DPP6: variants seen among roughly 807,000 people sequenced by gnomAD.
DPP6 encodes the protein dipeptidyl peptidase like 6, also known as A-type potassium channel modulatory protein DPP6.
In DPP6, 69 loss-of-function variants were observed where a neutral mutation model predicts 122.6. The ratio of observed to expected loss-of-function variants is 0.56; its 90% CI spans 0.46 to 0.69. The LOEUF is 0.69. Ranked by LOEUF, DPP6 falls within the 30% of genes least tolerant of loss-of-function variation. DPP6 has a pLI of 0.00. For missense variants in DPP6, 928 were observed against 1,116.9 expected, an observed-to-expected ratio of 0.83 and a Z score of 2.41; for synonymous variants, 418 against 433.1, an observed-to-expected ratio of 0.97 and a Z score of 0.43.
At chr7:153,882,632 A>G (rs1798785180), upstream of DPP6, among the ~76,000 whole-genome samples, 1 of 152,242 alleles carries the variant, frequency 6.6e-6, no homozygotes, top group Non-Finnish European at 1.5e-5. Flanking sequence ...ATGGAGCAAA[A>G]GGATCGACAC....
At chr7:154,512,260 G>C (rs1826146680) in intron 3 of DPP6, among the ~76,000 whole-genome samples, 1 of 152,148 alleles carries the variant, frequency 6.6e-6, no homozygotes, top group Admixed American at 6.5e-5. Flanking sequence ...ATGGCTTTCA[G>C]ATAATCCTGT....
At chr7:154,144,219 GATTTCTC>G (rs1795982275) in intron 1 of DPP6, among the ~76,000 whole-genome samples, 1 of 151,932 alleles carries the variant, frequency 6.6e-6, no homozygotes, top group Admixed American at 6.6e-5. Flanking sequence ...TATTTGGTAT[GATTTCTC>G]CTAATGCTTT....
At chr7:153,839,871 T>C in the DPP6 span, among the ~76,000 whole-genome samples, 1 of 152,182 alleles carries the variant, frequency 6.6e-6, no homozygotes, top group African/African-American at 2.4e-5. Flanking sequence ...CCAAGTGAGG[T>C]TGTTGCTACT....
At chr7:154,330,298 T>G (rs1285679224) in intron 1 of DPP6, among the ~76,000 whole-genome samples, 2 of 152,212 alleles carry the variant, frequency 1.3e-5, no homozygotes, top group East Asian at 3.8e-4. Flanking sequence ...GAGGCTTTCA[T>G]GTCAGTTTCA....
At chr7:154,845,960 C>G (rs968475307) in intron 16 of DPP6, among the ~76,000 whole-genome samples, 2 of 151,984 alleles carry the variant, frequency 1.3e-5, no homozygotes, top group Non-Finnish European at 2.9e-5. Flanking sequence ...CTGTTGGGAC[C>G]AATGGGATGC....
intron 1 of DPP6, among the ~76,000 whole-genome samples, chr7:153,921,908 C>G (rs1800656238): frequency 6.6e-6 from 1 of 152,236 alleles, no homozygotes; most frequent in Non-Finnish European, 1.5e-5. Flanking sequence ...TCTGGCCAAG[C>G]TGACACACCC....
chr7:154,130,581 G>A (rs546672457), intron 1 of DPP6, among the ~76,000 whole-genome samples: 1 of 152,306 alleles, frequency 6.6e-6, no homozygotes, highest in Non-Finnish European at 1.5e-5. Flanking sequence ...AAACACTCAT[G>A]TTTCTCATGG....
At chr7:154,752,603 C>G (rs1279220260) in intron 8 of DPP6, among the ~76,000 whole-genome samples, 1 of 152,126 alleles carries the variant, frequency 6.6e-6, no homozygotes, top group Non-Finnish European at 1.5e-5. Flanking sequence ...ACTAAGGAGG[C>G]CTCACCCTTC....
chr7:154,540,609 A>ATTCT lies in DPP6; in HGVS notation c.536_537insTCTT (p.Glu180LeufsTer7), dbSNP rs1228346116. 6.3e-7 allele frequency: 1 copy of ATTCT among 1,585,070 alleles called. No individual in the cohort carries two copies. Among genetic ancestry groups the ATTCT allele is most frequent in the Non-Finnish European group, 8.6e-7 (1 of 1,167,730 alleles). On this transcript the variant is annotated frameshift_variant, in exon 4 of 26. Transcript: ENST00000377770. LOFTEE classifies it high-confidence loss of function. ...TGAAACAAATACTTCTACTGTCTTAATAGAAGGCAAAAAAATTGTAAGTAC... is the reference window on the plus strand; with the variant it reads ...TGAAACAAATACTTCTACTGTCTTAATTCTTAGAAGGCAAAAAAATTGTAAGTAC...
Position 154,760,352 on chromosome 7 carries a change from G to C in DPP6, c.884-9065G>C, listed in dbSNP as rs1364687312. 1.3e-5 allele frequency among the ~76,000 whole-genome samples: 2 copies of C among 152,062 alleles called. No individual in the cohort carries two copies. Among genetic ancestry groups the C allele is most frequent in the African/African-American group, 2.4e-5 (1 of 41,400 alleles). Reference sequence around the variant, plus strand: ...GCTGTGTGTGCAAATTCAGGGGGGTGGGGTGGAGGAAATTCAGTCCATGAC... The same window carrying C: ...GCTGTGTGTGCAAATTCAGGGGGGTCGGGTGGAGGAAATTCAGTCCATGAC... On this transcript the variant is annotated intron_variant, in intron 8 of 25. Coordinates refer to ENST00000377770, the MANE Select transcript of DPP6 (RefSeq NM_130797.4). The surrounding 1 kb of genome is among the most constrained non-coding windows in gnomAD (Gnocchi z 4.5).
At chr7:154,414,116 G>A (rs540280419) in intron 1 of DPP6, among the ~76,000 whole-genome samples, 8 of 152,272 alleles carry the variant, frequency 5.3e-5, no homozygotes, top group African/African-American at 1.7e-4. Context: ...ACTTGCCAAA[G>A]GGCCATTCTA....
At chr7:154,589,658 A>G (rs1283611185) in intron 5 of DPP6, among the ~76,000 whole-genome samples, 2 of 152,236 alleles carry the variant, frequency 1.3e-5, no homozygotes, top group Non-Finnish European at 2.9e-5. Context: ...TAATCAACTT[A>G]AAATTACATA....
the DPP6 span, among the ~76,000 whole-genome samples, chr7:153,776,540 C>T: frequency 1.3e-5 from 2 of 152,128 alleles, no homozygotes; most frequent in African/African-American, 4.8e-5. Context: ...TTATAAATTA[C>T]CCAGTCCTGG....
At chr7:154,431,481 CTTTTCT>C (rs1277795374) in intron 1 of DPP6, among the ~76,000 whole-genome samples, 3 of 18,216 alleles carry the variant, frequency 1.6e-4, no homozygotes, top group South Asian at 1.2e-3. Flanking sequence ...CTTTTCTTTT[CTTTTCT>C]TTTCTTTTCT....
At chr7:154,386,683 A>G (rs921781993) in intron 1 of DPP6, among the ~76,000 whole-genome samples, 3 of 152,136 alleles carry the variant, frequency 2.0e-5, no homozygotes, top group Non-Finnish European at 4.4e-5. Context: ...ACCCTGTTTC[A>G]TATGTAAAAG....
chr7:154,538,733 T>C (rs978979938), intron 3 of DPP6, among the ~76,000 whole-genome samples: 2 of 152,246 alleles, frequency 1.3e-5, no homozygotes, highest in Non-Finnish European at 2.9e-5. Flanking sequence ...AAATTTGCTA[T>C]ATAAGGGCAA....
the DPP6 span, among the ~76,000 whole-genome samples, chr7:153,833,487 A>G: frequency 5.9e-5 from 9 of 152,318 alleles, no homozygotes; most frequent in South Asian, 1.9e-3. Flanking sequence ...CAGCCTGGCC[A>G]ACATGGCAAA....
intron 10 of DPP6, among the ~76,000 whole-genome samples, chr7:154,784,133 T>C (rs777878862): frequency 3.3e-5 from 5 of 152,140 alleles, no homozygotes; most frequent in Non-Finnish European, 7.4e-5. Context: ...GTGAGCCTCA[T>C]GCCCAACATG....
chr7:154,570,669 AG>A (rs1831051620), intron 5 of DPP6, among the ~76,000 whole-genome samples: 3 of 152,238 alleles, frequency 2.0e-5, no homozygotes, highest in African/African-American at 7.2e-5. Context: ...CATGCTAATT[AG>A]CATGCTTTTT....
Sources: allele counts gnomAD v4.1 joint callset (sites outside exome capture counted in the v4.1 genomes callset), GRCh38; gene constraint gnomAD v4.1.1; non-coding constraint Gnocchi (gnomAD v3.1); transcripts MANE v1.5; gene names NCBI Gene and HGNC (gene_info 2026-07-23, HGNC 2026-07-21).